Variants in CHRDL1 observed in about 807,000 individuals in gnomAD.
CHRDL1 encodes the protein chordin-like protein 1.
In CHRDL1, 19 loss-of-function variants were observed where a neutral mutation model predicts 40.9. The observed-to-expected ratio is 0.46, with a 90% CI of 0.32 to 0.68. CHRDL1 has a LOEUF of 0.68. Ranked by LOEUF, CHRDL1 falls within the 30% of genes least tolerant of loss-of-function variation. CHRDL1 has a pLI of 0.03. For synonymous variants in CHRDL1, 136 were observed against 123.4 expected (o/e 1.10, Z -0.68); for missense variants, 329 against 352.1 (o/e 0.93, Z 0.53).
intron 6 of CHRDL1, among the ~76,000 whole-genome samples, chrX:110,717,954 A>T (rs753542512): frequency 8.9e-6 from 1 of 111,867 alleles, no homozygotes; most frequent in East Asian, 2.8e-4. Context: ...GGTAATTCCA[A>T]TATGCACCCA....
chrX:110,752,987 A>C (rs1400492593), intron 4 of CHRDL1, among the ~76,000 whole-genome samples: 1 of 111,684 alleles, frequency 9.0e-6, no homozygotes, highest in African/African-American at 3.3e-5. Flanking sequence ...GGCAACCTTA[A>C]AATTTAAGAG....
At position 110,745,260 on chromosome X, in the gene CHRDL1, A is replaced by G. The variant is rs761981356; in HGVS notation, c.301+14401T>C. Among the ~76,000 whole-genome samples the G allele has an allele frequency of 3.6e-5, 4 of 111,301 alleles. No individual in the cohort carries two copies. The East Asian group carries it at 1.1e-3, about 32-fold the overall frequency. On this transcript the variant is annotated intron_variant, in intron 4 of 11. Transcript: ENST00000372042. ...CTGCCTTTGTAAGTGGCTGGGAGAG[A>G]GATGAGGATATGAGGGACTGCAAGA... is the stretch of plus-strand genomic sequence containing the variant.
rs184754738 is a variant in CHRDL1, at chrX:110,689,422, A to C, written c.779-619T>G. Among the ~76,000 whole-genome samples, 175 of 68,062 alleles carry C rather than the reference A, an allele frequency of 2.6e-3. 9 individuals are homozygous for C. The highest frequency in any genetic ancestry group is 0.021 in the African/African-American group (161 of 7,560). The allele number at this position is 68,062 out of a possible 115,157, so 59.1% of individuals were successfully genotyped here. On this transcript the variant is annotated intron_variant, in intron 8 of 11. Coordinates refer to ENST00000372042, the MANE Select transcript of CHRDL1 (RefSeq NM_001143981.2). ...TATATATATCTATATATCTATATAT[A>C]TCTATATATCTATATATCTATATAT...
At chrX:110,770,876 G>A (rs932880214) in intron 2 of CHRDL1, among the ~76,000 whole-genome samples, 2 of 111,905 alleles carry the variant, frequency 1.8e-5, no homozygotes, top group Admixed American at 9.4e-5. Context: ...ACTGGGCGTG[G>A]TGGCTCACAC....
intron 4 of CHRDL1, among the ~76,000 whole-genome samples, chrX:110,748,201 C>T (rs1848193196): frequency 8.9e-6 from 1 of 112,043 alleles, no homozygotes; most frequent in African/African-American, 3.2e-5. Context: ...TCATAGGTTT[C>T]ATACTCTAAT....
rs35235895 is a variant in CHRDL1 at position 110,762,728 on chromosome X, C to A, written c.174G>T (p.Gly58=). The A allele has an allele frequency of 2.5e-6, 3 of 1,187,117 alleles. No individual in the cohort carries two copies. Among genetic ancestry groups the A allele is most frequent in the South Asian group, 3.6e-5 (2 of 55,579 alleles). The change falls in exon 3 of 12, where the codon GGG becomes GGT. Residue 58 remains glycine (G), a synonymous_variant. Transcript: ENST00000372042. ...AGATGCAGTTCACGCAGTAAACCAA[C>A]CCATAAGGTTCCAGGTAAGGATGCC... The part of the protein sequence containing the change: ...ERWHPYLEPY[G]LVYCVNCICS...
At chrX:110,717,369 T>C (rs184870167) in intron 6 of CHRDL1, among the ~76,000 whole-genome samples, 13 of 111,806 alleles carry the variant, frequency 1.2e-4, no homozygotes, top group African/African-American at 3.9e-4. Context: ...GGCCCTGAGG[T>C]GCATGAATGG....
intron 4 of CHRDL1, among the ~76,000 whole-genome samples, chrX:110,742,890 C>T (rs1000625092): frequency 9.0e-6 from 1 of 111,401 alleles, no homozygotes; most frequent in African/African-American, 3.3e-5. Flanking sequence ...TGATTCCTGC[C>T]CTCAAAAAGT....
chrX:110,774,572 A>T (rs2089817532), intron 2 of CHRDL1, among the ~76,000 whole-genome samples: 1 of 111,347 alleles, frequency 9.0e-6, no homozygotes, highest in Admixed American at 9.6e-5. Context: ...AGGATGAACA[A>T]GTCTAAAGAT....
At chrX:110,779,297 T>G (rs2089903668) in intron 2 of CHRDL1, among the ~76,000 whole-genome samples, 1 of 110,956 alleles carries the variant, frequency 9.0e-6, no homozygotes, top group Non-Finnish European at 1.9e-5. Context: ...TTACCTAAAT[T>G]TTTCTCTTAT....
At chrX:110,788,023 C>T (rs781077334) in intron 2 of CHRDL1, among the ~76,000 whole-genome samples, 15 of 112,596 alleles carry the variant, frequency 1.3e-4, no homozygotes, top group Non-Finnish European at 2.6e-4. Flanking sequence ...GTGAATGTTA[C>T]GCTCCTTTGA....
intron 2 of CHRDL1, among the ~76,000 whole-genome samples, chrX:110,772,782 G>A (rs1602407830): frequency 8.9e-6 from 1 of 112,432 alleles, no homozygotes; most frequent in East Asian, 2.8e-4. Flanking sequence ...AGGTGCAAAG[G>A]GAATTCAATG....
At chrX:110,731,507 T>C (rs980899743) in intron 4 of CHRDL1, among the ~76,000 whole-genome samples, 7 of 110,962 alleles carry the variant, frequency 6.3e-5, no homozygotes, top group Admixed American at 9.6e-5. Context: ...CACAAAAAAA[T>C]TGAAAGAAGG....
chrX:110,681,598 T>A lies in CHRDL1; in HGVS notation c.1040A>T (p.Glu347Val). 1 of 1,207,760 alleles carries A rather than the reference T, an allele frequency of 8.3e-7. No individual in the cohort carries two copies. Among genetic ancestry groups the A allele is most frequent in the Non-Finnish European group, 1.1e-6 (1 of 891,982 alleles). Residue 347 changes from glutamate (E) to valine (V), a missense_variant, in exon 10 of 12, where the codon GAA (glutamate) becomes GTA (valine). Physicochemically the swap from Glu to Val is moderately radical, Grantham distance 121 (BLOSUM62 -2). Coordinates refer to ENST00000372042, the MANE Select transcript of CHRDL1 (RefSeq NM_001143981.2). ...FDNKGYFCGE[E>V]TMPVYESVFM... is the part of the protein sequence containing the mutation. ...TACAGACTCATACACAGGCATCGTT[T>A]CTTCCCCGCAGAAGTAGCCTTTATT... is the stretch of plus-strand genomic sequence containing the variant.
chrX:110,731,980 T>C (rs1156823885), intron 4 of CHRDL1, among the ~76,000 whole-genome samples: 1 of 106,817 alleles, frequency 9.4e-6, no homozygotes, highest in Non-Finnish European at 1.9e-5. Flanking sequence ...ATGAGGTATG[T>C]ATACCTCAAT....
intron 8 of CHRDL1, 60 bp downstream of exon 8, chrX:110,694,103 C>A: frequency 3.1e-6 from 3 of 971,269 alleles, no homozygotes; most frequent in Middle Eastern, 2.7e-4. Flanking sequence ...TCCAGCCCTG[C>A]AAAGACCAGG....
At chrX:110,740,806 A>G (rs2071346190) in intron 4 of CHRDL1, among the ~76,000 whole-genome samples, 1 of 112,222 alleles carries the variant, frequency 8.9e-6, no homozygotes, top group African/African-American at 3.2e-5. Flanking sequence ...AATTTGACTT[A>G]GCCTATTGTG....
intron 8 of CHRDL1, among the ~76,000 whole-genome samples, chrX:110,690,513 T>G (rs1218978747): frequency 9.0e-6 from 1 of 110,861 alleles, no homozygotes; most frequent in Non-Finnish European, 1.9e-5. Flanking sequence ...GAGATTTGCT[T>G]TCCATGGAGG....
At chrX:110,722,775 A>G (rs182215396) in intron 4 of CHRDL1, among the ~76,000 whole-genome samples, 1 of 111,650 alleles carries the variant, frequency 9.0e-6, no homozygotes, top group East Asian at 2.8e-4. Flanking sequence ...AAAAGATACA[A>G]CCAGAGCTTG....
Sources: gnomAD v4.1 joint callset for allele counts (sites outside exome capture counted in the v4.1 genomes callset) on GRCh38, gnomAD v4.1.1 for gene constraint, MANE v1.5 for transcripts, NCBI Gene and HGNC (gene_info 2026-07-23, HGNC 2026-07-21) for gene names.